Variants in COG6 observed in about 807,000 individuals in gnomAD.
COG6 encodes component of oligomeric golgi complex 6.
COG6 carries 74 observed loss-of-function variants against 88.8 expected under a neutral mutation model. The observed-to-expected ratio is 0.83, with a 90% CI of 0.69 to 1.01. The LOEUF (loss-of-function observed/expected upper bound fraction) is 1.01, where lower values mean the gene tolerates loss of function less well. Among genes scored for constraint, COG6 ranks in the 50% least tolerant of loss-of-function variants. COG6 has a pLI of 0.00. For synonymous variants in COG6, 286 were observed against 278.7 expected, an observed-to-expected ratio of 1.03 and a Z score of -0.26; for missense variants, 800 against 797.9, an observed-to-expected ratio of 1.00 and a Z score of -0.03.
intron 13 of COG6, among the ~76,000 whole-genome samples, chr13:39,708,568 G>C (rs1261692355): frequency 6.6e-6 from 1 of 152,086 alleles, no homozygotes; most frequent in African/African-American, 2.4e-5. Flanking sequence ...TGGTATGAAG[G>C]TAGGGGTCAA....
intron 15 of COG6, 50 bp downstream of exon 15, chr13:39,719,877 T>C (rs762265382): frequency 3.2e-5 from 46 of 1,417,172 alleles, no homozygotes; most frequent in Non-Finnish European, 4.2e-5. Context: ...TCTTTTTCTC[T>C]ATGTGATAGC....
At chr13:39,781,926 A>C (rs1255404094) in intron 18 of COG6, among the ~76,000 whole-genome samples, 7 of 152,182 alleles carry the variant, frequency 4.6e-5, no homozygotes. Flanking sequence ...TTGTTTTATA[A>C]TTTTCTTTCT....
chr13:39,693,371 T>C (rs1280355001), intron 11 of COG6, among the ~76,000 whole-genome samples: 1 of 151,980 alleles, frequency 6.6e-6, no homozygotes, highest in Non-Finnish European at 1.5e-5. Flanking sequence ...ATTTTCTTGA[T>C]GCCTCAAAAT....
intron 18 of COG6, among the ~76,000 whole-genome samples, chr13:39,746,316 A>C (rs925024452): frequency 6.6e-6 from 1 of 152,096 alleles, no homozygotes; most frequent in Non-Finnish European, 1.5e-5. Context: ...GGACAGAAAC[A>C]GTCCTGAAAG....
At chr13:39,687,042 G>A (rs565932451) in intron 8 of COG6, among the ~76,000 whole-genome samples, 1 of 152,190 alleles carries the variant, frequency 6.6e-6, no homozygotes, top group African/African-American at 2.4e-5. Flanking sequence ...GATTTGCAGA[G>A]TTCTAATTAT....
chr13:39,772,660 C>T lies in COG6; in HGVS notation c.1827-15675C>T, dbSNP rs556570639. ...TCATCTGTTTCCTGGCCTAGGGGCT[C>T]TTCTCAGACTCACTGTGCTGGCCTG... is the stretch of plus-strand genomic sequence containing the variant. On this transcript the variant is annotated intron_variant, in intron 18 of 18. Transcript: ENST00000416691. Among the ~76,000 whole-genome samples, 4 of 152,360 alleles carry T rather than the reference C, an allele frequency of 2.6e-5. No individual in the cohort carries two copies. The South Asian group carries it at 8.3e-4, about 32-fold the overall frequency.
chr13:39,735,453 ACTGT>A (rs932902373), intron 18 of COG6, among the ~76,000 whole-genome samples: 25 of 152,138 alleles, frequency 1.6e-4, no homozygotes, highest in African/African-American at 5.5e-4. Flanking sequence ...ATCTTATTAT[ACTGT>A]CTGTCACTTG....
At chr13:39,729,048 T>A (rs1879294661) in intron 18 of COG6, among the ~76,000 whole-genome samples, 1 of 152,234 alleles carries the variant, frequency 6.6e-6, no homozygotes, top group African/African-American at 2.4e-5. Flanking sequence ...AATATTAGAA[T>A]GTTGTTAGCC....
intron 1 of COG6, among the ~76,000 whole-genome samples, chr13:39,658,203 A>C (rs1167357998): frequency 6.7e-6 from 1 of 150,358 alleles, no homozygotes; most frequent in Non-Finnish European, 1.5e-5. Flanking sequence ...AGTCCAATGG[A>C]GAGAACATGG....
In COG6 at chr13:39,655,824, ACC is replaced by A; in HGVS notation, c.100_101del (p.Pro34AlafsTer7). On this transcript the variant is annotated frameshift_variant, in exon 1 of 19. Coordinates refer to ENST00000455146, the MANE Select transcript of COG6 (RefSeq NM_020751.3). LOFTEE classifies it high-confidence loss of function. ...GGCGGGACCTCGGCGACGACCTGCA[ACC>A]CGCTGTCGCGCAAGCTGCATAAGAT... The A allele has an allele frequency of 6.2e-7, 1 of 1,603,292 alleles. No individual in the cohort carries two copies. Among genetic ancestry groups the A allele is most frequent in the South Asian group, 1.1e-5 (1 of 89,588 alleles).
At position 39,751,432 on chromosome 13, in the gene COG6, G is replaced by T; in HGVS notation, c.*339G>T. On this transcript the variant is annotated 3_prime_UTR_variant, in exon 19 of 19. Transcript: ENST00000455146. ...TTACAAGACTAGTTCTAAATTAACA[G>T]CTTATAAAAAATTTGTCTAAATTTA... 1 of 1,273,478 alleles carries T rather than the reference G, an allele frequency of 7.9e-7. No individual in the cohort carries two copies. The allele number at this position is 1,273,478 out of a possible 1,614,324, so 78.9% of individuals were successfully genotyped here.
intron 1 of COG6, 56 bp from the exon 2 acceptor site, chr13:39,659,308 T>C: frequency 1.3e-6 from 2 of 1,519,384 alleles, no homozygotes; most frequent in Non-Finnish European, 1.8e-6. Context: ...TGTCTTGAGA[T>C]TTGAAACCAT....
chr13:39,768,066 TCTTACCTG>T (rs1881217875), intron 18 of COG6, among the ~76,000 whole-genome samples: 3 of 152,194 alleles, frequency 2.0e-5, no homozygotes, highest in Non-Finnish European at 4.4e-5. Context: ...CACTCTCAGA[TCTTACCTG>T]CTCACATTCA....
At chr13:39,731,450 A>C (rs534551186) in intron 18 of COG6, among the ~76,000 whole-genome samples, 1 of 152,322 alleles carries the variant, frequency 6.6e-6, no homozygotes, top group Admixed American at 6.5e-5. Context: ...TTTCAATGCA[A>C]AATCTCCAAT....
At chr13:39,728,660 T>G (rs1456862701) in intron 18 of COG6, among the ~76,000 whole-genome samples, 1 of 151,948 alleles carries the variant, frequency 6.6e-6, no homozygotes, top group African/African-American at 2.4e-5. Context: ...TGACTCAGGT[T>G]GTTTGTAGGT....
At chr13:39,711,526 C>G (rs1224392244) in intron 13 of COG6, among the ~76,000 whole-genome samples, 1 of 19,482 alleles carries the variant, frequency 5.1e-5, no homozygotes, top group Non-Finnish European at 1.3e-4. Flanking sequence ...ACAGTGGGAC[C>G]TTTGGAAGGT....
At chr13:39,725,704 CATAGT>C (rs1879098622) in intron 17 of COG6, among the ~76,000 whole-genome samples, 1 of 135,940 alleles carries the variant, frequency 7.4e-6, no homozygotes, top group African/African-American at 2.6e-5. Flanking sequence ...GAAACAAAAA[CATAGT>C]AGCAAAAATT....
intron 11 of COG6, among the ~76,000 whole-genome samples, chr13:39,693,084 C>T (rs1877073960): frequency 1.3e-5 from 2 of 151,854 alleles, no homozygotes; most frequent in Admixed American, 1.3e-4. Context: ...TTATATAGCT[C>T]TCATAAGACA....
At chr13:39,687,448 G>T in intron 8 of COG6, 55 bp from the exon 9 acceptor site, 1 of 1,520,418 alleles carries the variant, frequency 6.6e-7, no homozygotes, top group Non-Finnish European at 9.1e-7. Flanking sequence ...TGAATAGTCT[G>T]ATATAGCCAC....
Sources: gnomAD v4.1 joint callset for allele counts (sites outside exome capture counted in the v4.1 genomes callset) on GRCh38, gnomAD v4.1.1 for gene constraint, MANE v1.5 for transcripts, NCBI Gene and HGNC (gene_info 2026-07-23, HGNC 2026-07-21) for gene names.